ZNF385D: variants seen among roughly 807,000 people sequenced by gnomAD.
ZNF385D encodes zinc finger protein 659.
A neutral mutation model predicts 35.8 loss-of-function variants in ZNF385D; 15 were observed. The ratio of observed to expected loss-of-function variants is 0.42; its 90% CI spans 0.28 to 0.64. The LOEUF (loss-of-function observed/expected upper bound fraction) is 0.64, where lower values mean the gene tolerates loss of function less well. Among genes scored for constraint, ZNF385D ranks in the 30% least tolerant of loss-of-function variants. The pLI, the probability that ZNF385D is intolerant of heterozygous loss-of-function variation, is 0.23. For synonymous variants in ZNF385D, 212 were observed against 186.8 expected (o/e 1.13, Z -1.10); for missense variants, 474 against 494.6 (o/e 0.96, Z 0.39).
chr3:21,662,719 A>G (rs887530017), intron 2 of ZNF385D, among the ~76,000 whole-genome samples: 1 of 152,196 alleles, frequency 6.6e-6, no homozygotes, highest in African/African-American at 2.4e-5. Flanking sequence ...TTGGAGCAAC[A>G]GAGGGCCTCT....
chr3:21,934,644 A>G (rs1200467739), intron 3 of ZNF385D, among the ~76,000 whole-genome samples: 1 of 152,200 alleles, frequency 6.6e-6, no homozygotes, highest in Non-Finnish European at 1.5e-5. Flanking sequence ...TAAAAAATTG[A>G]CTACAAATTG....
At chr3:22,005,267 TA>T (rs1242663192) in intron 3 of ZNF385D, among the ~76,000 whole-genome samples, 1 of 151,746 alleles carries the variant, frequency 6.6e-6, no homozygotes, top group African/African-American at 2.4e-5. Flanking sequence ...TGGCTATTAT[TA>T]AAAAGATGAA....
intron 2 of ZNF385D, among the ~76,000 whole-genome samples, chr3:21,658,331 C>G (rs2066134630): frequency 6.6e-6 from 1 of 152,022 alleles, no homozygotes; most frequent in South Asian, 2.1e-4. Flanking sequence ...CTTAAAATTA[C>G]AGATGCAAAT....
chr3:22,224,819 C>T (rs943281770), intron 2 of ZNF385D, among the ~76,000 whole-genome samples: 1 of 152,164 alleles, frequency 6.6e-6, no homozygotes, highest in Non-Finnish European at 1.5e-5. Flanking sequence ...CTGCTCCCTG[C>T]GTGGGGCACC....
At chr3:21,567,255 G>GTATC (rs1238115578) in intron 2 of ZNF385D, among the ~76,000 whole-genome samples, 1 of 152,078 alleles carries the variant, frequency 6.6e-6, no homozygotes, top group Non-Finnish European at 1.5e-5. Context: ...TAAAATTACA[G>GTATC]TATCTCTTCC....
At chr3:21,716,504 T>C (rs1330858840) in intron 1 of ZNF385D, among the ~76,000 whole-genome samples, 1 of 152,054 alleles carries the variant, frequency 6.6e-6, no homozygotes. Flanking sequence ...CCAGAGACAG[T>C]TTTCCCTCAG....
chr3:21,679,545 C>A (rs2066833976), intron 1 of ZNF385D, among the ~76,000 whole-genome samples: 1 of 151,792 alleles, frequency 6.6e-6, no homozygotes, highest in Non-Finnish European at 1.5e-5. Context: ...GACATTGTTG[C>A]TTTGAAAGCT....
intron 2 of ZNF385D, among the ~76,000 whole-genome samples, chr3:21,578,675 C>T (rs566344911): frequency 6.6e-6 from 1 of 152,230 alleles, no homozygotes; most frequent in African/African-American, 2.4e-5. Context: ...GTTCTCTATT[C>T]TGTTCCATTG....
At chr3:21,841,476 CGG>C (rs1695671440) in intron 3 of ZNF385D, among the ~76,000 whole-genome samples, 2 of 151,942 alleles carry the variant, frequency 1.3e-5, no homozygotes, top group Non-Finnish European at 2.9e-5. Flanking sequence ...TATCTTCCCA[CGG>C]AGCATTCTAG....
At chr3:22,222,093 C>G (rs554262917) in intron 2 of ZNF385D, among the ~76,000 whole-genome samples, 1 of 152,190 alleles carries the variant, frequency 6.6e-6, no homozygotes, top group East Asian at 1.9e-4. Context: ...TCTCCTGCCT[C>G]ACTCTCCCGA....
In ZNF385D at chr3:21,844,960, C is replaced by A. The variant is rs114266871; in HGVS notation, c.326-179932G>T. Among the ~76,000 whole-genome samples, 874 of 151,830 alleles carry A rather than the reference C, an allele frequency of 5.8e-3. 7 individuals are homozygous for A. Among genetic ancestry groups the A allele is most frequent in the Middle Eastern group, 0.01 (3 of 294 alleles). On this transcript the variant is annotated intron_variant, in intron 3 of 5. Coordinates refer to the ZNF385D transcript ENST00000494108. ...TTACAGAGCTATTGTTTTTCTAACACTTTAAAACATGTGTTGATGTACTGC... is the reference window on the plus strand; with the variant it reads ...TTACAGAGCTATTGTTTTTCTAACAATTTAAAACATGTGTTGATGTACTGC...
In ZNF385D at chr3:21,589,585, G is replaced by T. The variant is rs76376561; in HGVS notation, c.166-24901C>A. Among the ~76,000 whole-genome samples, 886 of 152,134 alleles carry T rather than the reference G, an allele frequency of 5.8e-3. 15 individuals are homozygous for T. The highest frequency in any genetic ancestry group is 5.8e-3 in the Non-Finnish European group (394 of 67,986). ...AACTAAGGACATTTGTTCATGCAAA[G>T]TCACTGTAAAAAGAACAAAAAGACA... On this transcript the variant is annotated intron_variant, in intron 2 of 7. Transcript: ENST00000281523.
chr3:21,624,912 C>G (rs764449843), intron 2 of ZNF385D, among the ~76,000 whole-genome samples: 1 of 152,016 alleles, frequency 6.6e-6, no homozygotes, highest in Non-Finnish European at 1.5e-5. Context: ...GCCAAACCCG[C>G]CTTACCTTCA....
chr3:22,008,463 C>T (rs563531022), intron 3 of ZNF385D, among the ~76,000 whole-genome samples: 2 of 151,346 alleles, frequency 1.3e-5, no homozygotes, highest in East Asian at 2.0e-4. Flanking sequence ...ACAACATTCT[C>T]CTGCCTCAGC....
intron 4 of ZNF385D, among the ~76,000 whole-genome samples, chr3:21,468,296 G>C (rs957360501): frequency 6.6e-6 from 1 of 150,434 alleles, no homozygotes. Flanking sequence ...CAGCTACTCG[G>C]GAGGCTGAGG....
intron 2 of ZNF385D, among the ~76,000 whole-genome samples, chr3:22,271,767 A>C (rs1450294108): frequency 1.3e-5 from 2 of 151,978 alleles, no homozygotes; most frequent in Non-Finnish European, 2.9e-5. Context: ...CAAACCATCC[A>C]GTCAGACTCA....
At chr3:21,961,470 G>A (rs1702587797) in intron 3 of ZNF385D, 1 of 152,048 alleles carries the variant, frequency 6.6e-6, no homozygotes, top group African/African-American at 2.4e-5. Flanking sequence ...GAAATATGAA[G>A]TAACTATTGA....
chr3:22,030,279 A>ATATATATATATGTGTGTG, intron 3 of ZNF385D, among the ~76,000 whole-genome samples: 1 of 110,474 alleles, frequency 9.1e-6, no homozygotes, highest in African/African-American at 4.1e-5. Flanking sequence ...ATATATATAT[A>ATATATATATATGTGTGTG]TATATATATA....
chr3:22,229,027 C>T (rs747149391), intron 2 of ZNF385D, among the ~76,000 whole-genome samples: 7 of 152,208 alleles, frequency 4.6e-5, no homozygotes, highest in Non-Finnish European at 7.3e-5. Flanking sequence ...CCTCAGCTTG[C>T]AGGAGGCCTA....
Sources: gnomAD v4.1 joint callset for allele counts (sites outside exome capture counted in the v4.1 genomes callset) on GRCh38, gnomAD v4.1.1 for gene constraint, MANE v1.5 for transcripts, NCBI Gene and HGNC (gene_info 2026-07-23, HGNC 2026-07-21) for gene names.